SPTA1: variants seen among roughly 807,000 people sequenced by gnomAD.
SPTA1 encodes the protein spectrin alpha, erythrocytic 1.
SPTA1 carries 177 observed loss-of-function variants against 324.7 expected under a neutral mutation model. The observed-to-expected ratio is 0.55, with a 90% CI of 0.48 to 0.62. The LOEUF (loss-of-function observed/expected upper bound fraction) is 0.62. Among genes scored for constraint, SPTA1 ranks in the 20% least tolerant of loss-of-function variants. The pLI is 0.00. For missense variants in SPTA1, 3,162 were observed against 2,883.6 expected (o/e 1.10, Z -2.21); for synonymous variants, 1,195 against 1,041.3 (o/e 1.15, Z -2.84).
chr1:158,616,474 TG>T (rs1649564168), intron 47 of SPTA1, among the ~76,000 whole-genome samples: 1 of 152,008 alleles, frequency 6.6e-6, no homozygotes, highest in Non-Finnish European at 1.5e-5. Context: ...CATTTTATTT[TG>T]CTCCCACCTA....
At chr1:158,672,305 G>A in intron 10 of SPTA1, 109 bp from the exon 11 acceptor site, 2 of 1,207,466 alleles carry the variant, frequency 1.7e-6, no homozygotes, top group East Asian at 2.6e-5. Flanking sequence ...AAAATAAACA[G>A]CAAATGGGCT....
At chr1:158,656,227 A>G (rs1269291782) in intron 20 of SPTA1, among the ~76,000 whole-genome samples, 1 of 152,214 alleles carries the variant, frequency 6.6e-6, no homozygotes, top group Non-Finnish European at 1.5e-5. Context: ...AAAATTAAGA[A>G]ACAAAAGAAG....
At chr1:158,633,556 G>T (rs182261300) in intron 39 of SPTA1, among the ~76,000 whole-genome samples, 3 of 151,338 alleles carry the variant, frequency 2.0e-5, no homozygotes, top group Admixed American at 2.0e-4. Flanking sequence ...AGCTACTCGG[G>T]AGGCTGAGGC....
intron 31 of SPTA1, 80 bp downstream of exon 31, chr1:158,643,242 A>T (rs1218202776): frequency 4.7e-6 from 7 of 1,493,626 alleles, no homozygotes; most frequent in Non-Finnish European, 6.5e-6. Context: ...AAGCCAGAGT[A>T]TTCCCCCATC....
intron 23 of SPTA1, among the ~76,000 whole-genome samples, chr1:158,651,904 T>C (rs1652466217): frequency 6.6e-6 from 1 of 151,030 alleles, no homozygotes; most frequent in South Asian, 2.1e-4. Context: ...TCTCTCTCTC[T>C]CTCTCTGTGT....
At chr1:158,675,752 C>T (rs528635730) in intron 8 of SPTA1, among the ~76,000 whole-genome samples, 12 of 152,200 alleles carry the variant, frequency 7.9e-5, no homozygotes, top group South Asian at 4.1e-4. Flanking sequence ...AAGTGACTAA[C>T]GAGTGAGTAG....
chr1:158,655,271 A>G (rs1176804427), intron 20 of SPTA1, among the ~76,000 whole-genome samples: 1 of 152,194 alleles, frequency 6.6e-6, no homozygotes, highest in African/African-American at 2.4e-5. Flanking sequence ...ACAGAATTTT[A>G]AAAACTGAGA....
chr1:158,633,661 G>GAAAAA (rs1036389907), intron 39 of SPTA1, among the ~76,000 whole-genome samples: 2 of 61,180 alleles, frequency 3.3e-5, no homozygotes, highest in African/African-American at 5.1e-5. Flanking sequence ...ACTCTGTCTC[G>GAAAAA]AAAAAAAAAA....
chr1:158,639,387 G>T (rs1651355123), intron 35 of SPTA1, 195 bp downstream of exon 35: 6 of 629,500 alleles, frequency 9.5e-6, no homozygotes, highest in Non-Finnish European at 1.7e-5. Context: ...TATAGTTTAG[G>T]GATAATTGAT....
At position 158,611,131 on chromosome 1, in the gene SPTA1, G is replaced by GCACACA. The variant is rs55832242; in HGVS notation, c.*127_*132dup. On this transcript the variant is annotated 3_prime_UTR_variant, in exon 52 of 52. Coordinates refer to ENST00000643759, the MANE Select transcript of SPTA1 (RefSeq NM_003126.4). Reference sequence around the variant, plus strand: ...AAATGTAATATGCACACAAACACAAGCACACACACACACACACACACACAC... The same window carrying GCACACA: ...AAATGTAATATGCACACAAACACAAGCACACACACACACACACACACACACACACAC... 24,531 of 668,816 alleles carry GCACACA rather than the reference G, an allele frequency of 0.037. 241 individuals are homozygous for GCACACA. Among genetic ancestry groups the GCACACA allele is most frequent in the Middle Eastern group, 0.041 (106 of 2,586 alleles). 41.4% of individuals were successfully genotyped at this position (668,816 alleles called of 1,614,324 possible). A position where few individuals can be genotyped will look rare whatever the true frequency, so the allele number is the denominator to read the frequency against.
chr1:158,620,219 G>A lies in SPTA1; in HGVS notation c.6368C>T (p.Thr2123Ile). The A allele has an allele frequency of 2.5e-6, 4 of 1,614,114 alleles. No homozygotes were observed. The highest frequency in any genetic ancestry group is 1.1e-5 in the South Asian group (1 of 91,074). The change falls in exon 44 of 52, where the codon ACA becomes ATA. Residue 2123 changes from threonine to isoleucine, a missense_variant. Coordinates refer to ENST00000643759, the MANE Select transcript of SPTA1 (RefSeq NM_003126.4). ...CCAGGTCCTTTCCAGCACCTCCACT[G>A]TTAACCAGGTATAAGGGCTGGAAGG... The part of the protein sequence containing the change: ...GVPSSPYTWL[T>I]VEVLERTWKH...
intron 46 of SPTA1, 94 bp downstream of exon 46, chr1:158,617,945 A>G (rs1043335116): frequency 2.5e-6 from 3 of 1,206,124 alleles, no homozygotes; most frequent in Middle Eastern, 1.9e-4. Flanking sequence ...CCAGATTACA[A>G]TGGAATGAAA....
In SPTA1 at chr1:158,648,358, C is replaced by G. The variant is rs560494844; in HGVS notation, c.3714+151G>C. 4.2e-6 allele frequency: 5 copies of G among 1,200,456 alleles called. No homozygotes were observed. The Admixed American group carries it at 9.8e-5, about 24-fold the overall frequency. 74.4% of individuals were successfully genotyped at this position (1,200,456 alleles called of 1,614,324 possible). ...GGGCATATCCTTTTCATGGTCTTGC[C>G]TTAGGGACAGTGTACAAGAATAAAT... On this transcript the variant is annotated intron_variant, in intron 26 of 51. Coordinates refer to ENST00000643759, the MANE Select transcript of SPTA1 (RefSeq NM_003126.4).
chr1:158,669,758 A>G lies in SPTA1; in HGVS notation c.1628T>C (p.Ile543Thr). The G allele has an allele frequency of 6.2e-7, 1 of 1,614,128 alleles. No homozygotes were observed. ...CTCTGAATCATAATGGTCATCACCA[A>G]TCAATTTGGTTGCAGTCTTGTCTAC... ...ITVDKTATKL[I>T]GDDHYDSENI... Residue 543 changes from isoleucine (I) to threonine (T), a missense_variant, in exon 13 of 52, where the codon ATT (isoleucine) becomes ACT (threonine). Coordinates refer to ENST00000643759, the MANE Select transcript of SPTA1 (RefSeq NM_003126.4).
chr1:158,624,869 C>T (rs1261839111), intron 42 of SPTA1, among the ~76,000 whole-genome samples: 1 of 152,206 alleles, frequency 6.6e-6, no homozygotes, highest in Non-Finnish European at 1.5e-5. Context: ...CAGGTAGGAG[C>T]AGCCCTGGTT....
chr1:158,657,682 G>T lies in SPTA1; in HGVS notation c.2600C>A (p.Ala867Glu), dbSNP rs115877891. ...CTTGACCCTAGAGGCCACATCTTCT[G>T]CAGCAAAGTGTCCTATGGAGTAATT... ...NKMVEEGHFA[A>E]EDVASRVKSL... is the part of the protein sequence containing the mutation. Residue 867 changes from alanine to glutamate, a missense_variant, in exon 19 of 52, where the codon GCA (alanine) becomes GAA (glutamate). Transcript: ENST00000643759. The T allele has an allele frequency of 1.2e-3, 1,859 of 1,614,038 alleles. 3 individuals carry two copies. Among genetic ancestry groups the T allele is most frequent in the Non-Finnish European group, 1.4e-3 (1,608 of 1,179,974 alleles).
chr1:158,654,505 TAATAA>T (rs1156616062), intron 21 of SPTA1, 101 bp downstream of exon 21: 8 of 1,467,882 alleles, frequency 5.5e-6, no homozygotes, highest in South Asian at 2.5e-5. Flanking sequence ...AGAAATAAAA[TAATAA>T]AATAAATGTT....
intron 12 of SPTA1, among the ~76,000 whole-genome samples, chr1:158,670,047 G>A (rs1653899920): frequency 6.6e-6 from 1 of 152,174 alleles, no homozygotes; most frequent in Non-Finnish European, 1.5e-5. Flanking sequence ...GTTGCTATGA[G>A]ATGATTGATT....
intron 35 of SPTA1, among the ~76,000 whole-genome samples, chr1:158,638,779 C>T (rs1571418303): frequency 2.1e-5 from 3 of 142,976 alleles, no homozygotes; most frequent in East Asian, 2.1e-4. Flanking sequence ...AAAATCTTGG[C>T]GGGCAATCAT....
Sources: gnomAD v4.1 joint callset for allele counts (sites outside exome capture counted in the v4.1 genomes callset) on GRCh38, gnomAD v4.1.1 for gene constraint, MANE v1.5 for transcripts, NCBI Gene and HGNC (gene_info 2026-07-23, HGNC 2026-07-21) for gene names.